TNRC6A: variants seen among roughly 807,000 people sequenced by gnomAD.
TNRC6A encodes trinucleotide repeat containing adaptor 6A.
A neutral mutation model predicts 221.2 loss-of-function variants in TNRC6A; 44 were observed. The ratio of observed to expected loss-of-function variants is 0.20; its 90% CI spans 0.16 to 0.26. The LOEUF is 0.26. TNRC6A is among the 10% of genes least tolerant of loss of function. TNRC6A has a pLI of 1.00. For synonymous variants in TNRC6A, 847 were observed against 838.5 expected (o/e 1.01, Z -0.18); for missense variants, 2,199 against 2,404.4 (o/e 0.91, Z 1.79).
intron 2 of TNRC6A, among the ~76,000 whole-genome samples, chr16:24,707,187 G>A (rs1482490592): frequency 6.6e-6 from 1 of 151,924 alleles, no homozygotes; most frequent in Admixed American, 6.6e-5. Flanking sequence ...GTAGAGACAG[G>A]GTTTCAACAT....
intron 2 of TNRC6A, among the ~76,000 whole-genome samples, chr16:24,650,146 C>G (rs1418179955): frequency 6.6e-6 from 1 of 151,658 alleles, no homozygotes; most frequent in Non-Finnish European, 1.5e-5. Context: ...ATTTACTATT[C>G]TTGTCATAGC....
intron 2 of TNRC6A, among the ~76,000 whole-genome samples, chr16:24,750,177 G>A (rs1021168177): frequency 9.2e-5 from 14 of 152,154 alleles, no homozygotes; most frequent in African/African-American, 3.1e-4. Context: ...CCCAAGAATT[G>A]ATAGAATACC....
At chr16:24,793,298 T>A in intron 6 of TNRC6A, 175 bp from the exon 7 acceptor site, 1 of 413,748 alleles carries the variant, frequency 2.4e-6, no homozygotes, top group Non-Finnish European at 4.2e-6. Context: ...GGGAAATAGT[T>A]TGTCTTTTTT....
chr16:24,749,189 A>C (rs1020044780), intron 2 of TNRC6A, among the ~76,000 whole-genome samples: 1 of 152,178 alleles, frequency 6.6e-6, no homozygotes. Context: ...GGTGATGACT[A>C]CAGGTAGCCG....
chr16:24,688,815 A>T (rs536204203), intron 2 of TNRC6A, among the ~76,000 whole-genome samples: 2 of 152,352 alleles, frequency 1.3e-5, no homozygotes, highest in African/African-American at 2.4e-5. Context: ...CACTGGGTCA[A>T]ATCAGACTTG....
chr16:24,683,722 T>C (rs1467583051), intron 2 of TNRC6A, among the ~76,000 whole-genome samples: 2 of 152,244 alleles, frequency 1.3e-5, no homozygotes, highest in Non-Finnish European at 2.9e-5. Context: ...CTCTTCTCGC[T>C]GTCCTCAGTT....
In TNRC6A at chr16:24,794,546, C is replaced by T. The variant is rs1487006671; in HGVS notation, c.3355C>T (p.Pro1119Ser). ...TTATATCACAAATCCACAATCAGGG[C>T]CAAAATCTATGCAAGATGGCTGGTG... ...VGPQALSKSGPKSMQDGWCGD... is the reference protein window; with the variant it reads ...VGPQALSKSGSKSMQDGWCGD... Residue 1119 changes from proline to serine, a missense_variant and splice_region_variant, in exon 8 of 25, where the codon CCA becomes TCA. Around this residue, in one of 8 missense-constraint regions of TNRC6A, gnomAD observed 1,405 missense variants for 1,400.2 expected, o/e 1.00. Transcript: ENST00000395799. 1.2e-6 allele frequency: 2 copies of T among 1,607,352 alleles called. No individual in the cohort carries two copies. The highest frequency in any genetic ancestry group is 2.7e-5 in the African/African-American group (2 of 74,614).
At chr16:24,722,257 TAAA>T (rs1229180770) in intron 2 of TNRC6A, among the ~76,000 whole-genome samples, 1 of 151,856 alleles carries the variant, frequency 6.6e-6, no homozygotes, top group Admixed American at 6.6e-5. Context: ...TAAAAAGTAA[TAAA>T]AAATTTAGCT....
At chr16:24,624,373 G>A (rs1900849363) in intron 1 of TNRC6A, among the ~76,000 whole-genome samples, 1 of 152,204 alleles carries the variant, frequency 6.6e-6, no homozygotes, top group African/African-American at 2.4e-5. Flanking sequence ...GAGGGCTGAA[G>A]AAGGAGGGCC....
chr16:24,718,403 G>C (rs1225420491), intron 2 of TNRC6A, among the ~76,000 whole-genome samples: 1 of 152,188 alleles, frequency 6.6e-6, no homozygotes, highest in African/African-American at 2.4e-5. Context: ...CTTACCAAGG[G>C]AGGTAGCATT....
chr16:24,748,734 A>G (rs1293808558), intron 2 of TNRC6A, among the ~76,000 whole-genome samples: 3 of 151,406 alleles, frequency 2.0e-5, no homozygotes, highest in Non-Finnish European at 4.4e-5. Context: ...TATAGCAACA[A>G]CCCCTTCCAG....
Position 24,823,730 on chromosome 16 carries a change from C to G in TNRC6A, c.5812C>G (p.Arg1938Gly), listed in dbSNP as rs758935935. 1.3e-6 allele frequency: 2 copies of G among 1,537,986 alleles called. No individual in the cohort carries two copies. The highest frequency in any genetic ancestry group is 2.3e-5 in the East Asian group (1 of 42,724). ...GGGTCCCCCAAGCAGCAGCGACCCCCGAGGAATTAGCAGCCCATCTCCCAT... is the reference window on the plus strand; with the variant it reads ...GGGTCCCCCAAGCAGCAGCGACCCCGGAGGAATTAGCAGCCCATCTCCCAT... ...LWGPPSSSDPRGISSPSPINA... is the reference protein window; with the variant it reads ...LWGPPSSSDPGGISSPSPINA... Residue 1938 changes from arginine to glycine, a missense_variant, in exon 25 of 25, where the codon CGA becomes GGA. This residue lies in a region of TNRC6A where 130 missense variants were observed against 121.7 expected (regional missense o/e 1.07). Coordinates refer to ENST00000395799, the MANE Select transcript of TNRC6A (RefSeq NM_014494.4). This position sits in a 1 kb window ranked among gnomAD's most constrained non-coding sequence, Gnocchi z 4.3.
At chr16:24,627,406 T>C (rs1828704971) in intron 1 of TNRC6A, among the ~76,000 whole-genome samples, 1 of 152,092 alleles carries the variant, frequency 6.6e-6, no homozygotes, top group South Asian at 2.1e-4. Context: ...AGCTTGATCA[T>C]CCTGGAGCTA....
chr16:24,735,682 T>C (rs1044236831), intron 2 of TNRC6A, among the ~76,000 whole-genome samples: 3 of 152,218 alleles, frequency 2.0e-5, no homozygotes, highest in Admixed American at 6.5e-5. Flanking sequence ...TGTAAGCTCT[T>C]TTGATTTTTG....
rs145894383 is a variant in TNRC6A at position 24,632,927 on chromosome 16, T to G, written n.277-7957T>G. On this transcript the variant is annotated intron_variant and non_coding_transcript_variant, in intron 1 of 2. Coordinates refer to the TNRC6A transcript ENST00000566108. The stretch of plus-strand genomic sequence containing the variant: ...AGGAGGCTGAGGCAGGAGACTCACT[T>G]GAATCTGGGAGGCGGAGGTTGCAGT... 8.4e-4 allele frequency among the ~76,000 whole-genome samples: 127 copies of G among 151,106 alleles called. No individual in the cohort carries two copies. In the East Asian group the frequency reaches 0.023, roughly 27 times the overall value.
chr16:24,736,706 G>A (rs1173694774), intron 2 of TNRC6A, among the ~76,000 whole-genome samples: 1 of 152,124 alleles, frequency 6.6e-6, no homozygotes, highest in African/African-American at 2.4e-5. Flanking sequence ...CCTCCCCACA[G>A]CATTTTGAAG....
intron 2 of TNRC6A, among the ~76,000 whole-genome samples, chr16:24,650,029 G>A (rs1157962107): frequency 1.3e-5 from 2 of 151,470 alleles, no homozygotes; most frequent in African/African-American, 4.8e-5. Context: ...TCACCATGTT[G>A]GCCAGGCTGG....
intron 1 of TNRC6A, among the ~76,000 whole-genome samples, chr16:24,618,431 G>A (rs1320287653): frequency 6.6e-6 from 1 of 152,052 alleles, no homozygotes. Flanking sequence ...TAGCTTTATG[G>A]TGTAAATATA....
chr16:24,752,654 G>T lies in TNRC6A; in HGVS notation c.141+1841G>T, dbSNP rs1248446558. On this transcript the variant is annotated intron_variant, in intron 3 of 24. Transcript: ENST00000395799. The stretch of plus-strand genomic sequence containing the variant: ...TGTCCTCTGTAAGTCTGAGGTTGGG[G>T]TAAAGGCTTATCAGACTCTTGTTCC... Among the ~76,000 whole-genome samples, 4 of 152,190 alleles carry T rather than the reference G, an allele frequency of 2.6e-5. No individual in the cohort carries two copies. In the South Asian group the frequency reaches 6.2e-4, roughly 24 times the overall value.
Sources: allele counts gnomAD v4.1 joint callset (sites outside exome capture counted in the v4.1 genomes callset), GRCh38; gene constraint gnomAD v4.1.1; regional missense constraint gnomAD v4.1.1; non-coding constraint Gnocchi (gnomAD v3.1); transcripts MANE v1.5; gene names NCBI Gene and HGNC (gene_info 2026-07-23, HGNC 2026-07-21).